TNFSF11: variants seen among roughly 807,000 people sequenced by gnomAD.
TNFSF11 encodes tumor necrosis factor ligand superfamily member 11.
TNFSF11 carries 12 observed loss-of-function variants against 32.2 expected under a neutral mutation model. The ratio of observed to expected loss-of-function variants is 0.37; its 90% CI spans 0.24 to 0.60. The LOEUF is 0.60. Ranked by LOEUF, TNFSF11 falls within the 20% of genes least tolerant of loss-of-function variation. TNFSF11 has a pLI of 0.66. For synonymous variants in TNFSF11, 172 were observed against 152.1 expected (o/e 1.13, Z -0.96); for missense variants, 345 against 398.0 (o/e 0.87, Z 1.13).
chr13:42,594,598 T>C (rs1311415471), intron 2 of TNFSF11, among the ~76,000 whole-genome samples: 1 of 152,256 alleles, frequency 6.6e-6, no homozygotes, highest in African/African-American at 2.4e-5. Context: ...TTGAAAATAC[T>C]CCTAAGTGTT....
chr13:42,584,770 T>TC (rs1294089104), intron 2 of TNFSF11, among the ~76,000 whole-genome samples: 1 of 152,258 alleles, frequency 6.6e-6, no homozygotes, highest in South Asian at 2.1e-4. Flanking sequence ...TTATTATGAC[T>TC]CACAGGATGA....
chr13:42,585,483 C>A (rs1424632818), intron 2 of TNFSF11, among the ~76,000 whole-genome samples: 5 of 152,278 alleles, frequency 3.3e-5, no homozygotes, highest in African/African-American at 9.6e-5. Context: ...GCTTCCCCCA[C>A]CCCCTTTAGC....
In TNFSF11 at chr13:42,576,939, C is replaced by T. The variant is rs146808263; in HGVS notation, c.219+2417C>T. 2.9e-3 allele frequency among the ~76,000 whole-genome samples: 444 copies of T among 152,300 alleles called. 3 individuals are homozygous for T. Among genetic ancestry groups the T allele is most frequent in the African/African-American group, 0.01 (428 of 41,566 alleles). ...TTCCCCTTTTATGTGTGTTAGAGAT[C>T]TTCTTTCAAAGTCTTAGCTAAGAGA... is the stretch of plus-strand genomic sequence containing the variant. On this transcript the variant is annotated intron_variant, in intron 1 of 4. Coordinates refer to ENST00000398795, the MANE Select transcript of TNFSF11 (RefSeq NM_003701.4).
chr13:42,581,395 T>G lies in TNFSF11; in HGVS notation c.387+102T>G, dbSNP rs142109692. 4.2e-4 allele frequency: 544 copies of G among 1,293,870 alleles called. 2 individuals are homozygous for G. In the African/African-American group the frequency reaches 7.0e-3, roughly 17 times the overall value. The allele number at this position is 1,293,870 out of a possible 1,614,324, so 80.1% of individuals were successfully genotyped here. A position where few individuals can be genotyped will look rare whatever the true frequency, so the allele number is the denominator to read the frequency against. On this transcript the variant is annotated intron_variant, in intron 2 of 4. Transcript: ENST00000398795. ...GCTGTTGACTCTGCTCTTTTTATTC[T>G]AATAATTTGTAAAAGAGCTACAGGG...
chr13:42,597,340 C>CCT lies in TNFSF11; in HGVS notation c.388-3412_388-3411insCT, dbSNP rs778080923. On this transcript the variant is annotated intron_variant, in intron 2 of 4. Transcript: ENST00000398795. ...ATCCTGGGTCATGAAGCCTTTTGTTCTTTTTTTTTTTTTTTTTTTTTAAAG... is the reference window on the plus strand; with the variant it reads ...ATCCTGGGTCATGAAGCCTTTTGTTCCTTTTTTTTTTTTTTTTTTTTTTAAAG... Among the ~76,000 whole-genome samples, 3 of 125,760 alleles carry CCT rather than the reference C, an allele frequency of 2.4e-5. No individual in the cohort carries two copies. In the South Asian group the frequency reaches 7.9e-4, roughly 33 times the overall value. 82.5% of individuals were successfully genotyped at this position (125,760 alleles called of 152,430 possible). A position where few individuals can be genotyped will look rare whatever the true frequency, so the allele number is the denominator to read the frequency against.
intron 4 of TNFSF11, among the ~76,000 whole-genome samples, chr13:42,605,855 T>C (rs1869424627): frequency 6.6e-6 from 1 of 152,184 alleles, no homozygotes; most frequent in Non-Finnish European, 1.5e-5. Context: ...ATTATGAGAA[T>C]TGAGTTTAGA....
chr13:42,588,756 T>G (rs1448267284), intron 2 of TNFSF11, among the ~76,000 whole-genome samples: 1 of 152,194 alleles, frequency 6.6e-6, no homozygotes, highest in African/African-American at 2.4e-5. Flanking sequence ...CTGTGATTTC[T>G]TCAAAGCATC....
intron 2 of TNFSF11, among the ~76,000 whole-genome samples, chr13:42,599,308 T>A (rs1868995526): frequency 9.4e-6 from 1 of 106,382 alleles, no homozygotes; most frequent in South Asian, 3.3e-4. Context: ...ATTGCCTCTA[T>A]CTATCTATCT....
At chr13:42,576,536 C>T (rs762005664) in intron 1 of TNFSF11, among the ~76,000 whole-genome samples, 2 of 152,108 alleles carry the variant, frequency 1.3e-5, no homozygotes, top group Non-Finnish European at 2.9e-5. Context: ...CTTCTGGGTA[C>T]GGTTTTCTTA....
chr13:42,600,289 G>A, intron 2 of TNFSF11, among the ~76,000 whole-genome samples: 1 of 152,146 alleles, frequency 6.6e-6, no homozygotes, highest in Non-Finnish European at 1.5e-5. Context: ...TGGGAGCTAA[G>A]CATCGTTCTC....
At chr13:42,578,751 G>T (rs9525642) in intron 1 of TNFSF11, among the ~76,000 whole-genome samples, 52,391 of 151,958 alleles carry the variant, frequency 0.34, 9,271 homozygotes, top group Middle Eastern at 0.51. Flanking sequence ...AATGAGATGG[G>T]ATCTGGGTGT....
At chr13:42,604,364 G>A (rs1594482345) in intron 4 of TNFSF11, among the ~76,000 whole-genome samples, 1 of 152,184 alleles carries the variant, frequency 6.6e-6, no homozygotes, top group East Asian at 1.9e-4. Context: ...TTTAATCTGG[G>A]ATGACCTGAA....
At chr13:42,592,568 G>A (rs1868547175) in intron 2 of TNFSF11, among the ~76,000 whole-genome samples, 1 of 152,202 alleles carries the variant, frequency 6.6e-6, no homozygotes, top group African/African-American at 2.4e-5. Context: ...CAAGCCCACT[G>A]TTGAGAGTTT....
chr13:42,593,265 C>T (rs1868606052), intron 2 of TNFSF11, among the ~76,000 whole-genome samples: 2 of 152,198 alleles, frequency 1.3e-5, no homozygotes, highest in Admixed American at 1.3e-4. Context: ...TTGCATATTT[C>T]TTATTATATT....
chr13:42,600,696 T>C (rs1421478073), intron 2 of TNFSF11, 56 bp from the exon 3 acceptor site: 6 of 1,529,520 alleles, frequency 3.9e-6, no homozygotes, highest in South Asian at 2.4e-5. Flanking sequence ...TGAATTCTTA[T>C]TGCTTTACAG....
At chr13:42,569,557 A>AAAAGAAAAG (rs754126469), upstream of TNFSF11, among the ~76,000 whole-genome samples, 71 of 67,558 alleles carry the variant, frequency 1.1e-3, no homozygotes, top group Middle Eastern at 6.5e-3. Flanking sequence ...CAAAAAAAAA[A>AAAAGAAAAG]AAAAGAAAAG....
At chr13:42,606,156 T>G (rs950437154) in intron 4 of TNFSF11, among the ~76,000 whole-genome samples, 1 of 152,242 alleles carries the variant, frequency 6.6e-6, no homozygotes, top group Non-Finnish European at 1.5e-5. Flanking sequence ...TTCTTGTCTC[T>G]CCGTCCTTTG....
At chr13:42,599,226 A>T (rs1271239004) in intron 2 of TNFSF11, among the ~76,000 whole-genome samples, 1 of 152,218 alleles carries the variant, frequency 6.6e-6, no homozygotes, top group African/African-American at 2.4e-5. Context: ...CTCTCTCAGA[A>T]GTTTGGAAGC....
At chr13:42,586,226 C>G (rs1566379613) in intron 2 of TNFSF11, among the ~76,000 whole-genome samples, 1 of 152,228 alleles carries the variant, frequency 6.6e-6, no homozygotes, top group Non-Finnish European at 1.5e-5. Context: ...TCCATCAGGA[C>G]AAGGGCCACA....
Sources: allele counts gnomAD v4.1 joint callset (sites outside exome capture counted in the v4.1 genomes callset), GRCh38; gene constraint gnomAD v4.1.1; transcripts MANE v1.5; gene names NCBI Gene and HGNC (gene_info 2026-07-23, HGNC 2026-07-21).